RYR3: variants seen among roughly 807,000 people sequenced by gnomAD.
RYR3 encodes brain ryanodine receptor-calcium release channel.
A neutral mutation model predicts 584.3 loss-of-function variants in RYR3; 207 were observed. The observed-to-expected ratio is 0.35, with a 90% CI of 0.32 to 0.40. The LOEUF is 0.40. Ranked by LOEUF, RYR3 falls within the 10% of genes least tolerant of loss-of-function variation. The pLI, the probability that RYR3 is intolerant of heterozygous loss-of-function variation, is 1.00. For missense variants in RYR3, 5,616 were observed against 6,089.2 expected, an observed-to-expected ratio of 0.92 and a Z score of 2.59; for synonymous variants, 2,416 against 2,248.5, an observed-to-expected ratio of 1.07 and a Z score of -2.11.
intron 58 of RYR3, 48 bp from the exon 59 acceptor site, chr15:33,756,258 T>G (rs1225184793): frequency 2.3e-6 from 3 of 1,329,724 alleles, no homozygotes; most frequent in Non-Finnish European, 3.2e-6. Flanking sequence ...TGTGACTGAT[T>G]TTTACTTCGT....
intron 18 of RYR3, 44 bp from the exon 19 acceptor site, chr15:33,613,139 G>T (rs2060279034): frequency 6.7e-7 from 1 of 1,499,516 alleles, no homozygotes; most frequent in Admixed American, 1.7e-5. Context: ...CCTAGCAGGT[G>T]CCTCCAGAGT....
At chr15:33,482,106 G>C (rs1406109935) in intron 2 of RYR3, among the ~76,000 whole-genome samples, 2 of 151,934 alleles carry the variant, frequency 1.3e-5, no homozygotes, top group African/African-American at 4.8e-5. Context: ...ATATTCCTTA[G>C]TGTTTCTTAT....
intron 1 of RYR3, among the ~76,000 whole-genome samples, chr15:33,381,147 C>T (rs1388277209): frequency 1.3e-5 from 2 of 152,192 alleles, no homozygotes; most frequent in East Asian, 3.8e-4. Context: ...ATGAAGGAGT[C>T]CAGGTTCCTC....
chr15:33,848,166 C>CT lies in RYR3; in HGVS notation c.13498-124dup, dbSNP rs1433911211. On this transcript the variant is annotated intron_variant, in intron 93 of 103. Transcript: ENST00000634891. ...GGCTTTGATCCCACAACTAGGCACTCTAAGAATTCCACTATAAGGAGATTG... is the reference window on the plus strand; with the variant it reads ...GGCTTTGATCCCACAACTAGGCACTCTTAAGAATTCCACTATAAGGAGATTG... The CT allele has an allele frequency of 4.1e-6, 5 of 1,223,320 alleles. No homozygotes were observed. In the East Asian group the frequency reaches 7.1e-5, roughly 17 times the overall value. 75.8% of individuals were successfully genotyped at this position (1,223,320 alleles called of 1,614,324 possible).
intron 18 of RYR3, among the ~76,000 whole-genome samples, chr15:33,611,641 T>A (rs559397916): frequency 6.6e-6 from 1 of 151,990 alleles, no homozygotes; most frequent in South Asian, 2.1e-4. Context: ...TTGGAAGAAT[T>A]TTTATGGAGT....
Position 33,663,548 on chromosome 15 carries a change from C to T in RYR3, c.5430C>T (p.Leu1810=). The T allele has an allele frequency of 6.2e-7, 1 of 1,613,658 alleles. No homozygotes were observed. The highest frequency in any genetic ancestry group is 8.5e-7 in the Non-Finnish European group (1 of 1,179,798). ...PESVKLQMCE[L]LSYLCDCELQ... Reference sequence around the variant, plus strand: ...TACTTTCATTGCAGATGTGTGAGCTCCTCAGCTATCTCTGCGACTGTGAGC... The same window carrying T: ...TACTTTCATTGCAGATGTGTGAGCTTCTCAGCTATCTCTGCGACTGTGAGC... Residue 1810 remains leucine (L), a synonymous_variant, in exon 36 of 104, where the codon CTC becomes CTT. Transcript: ENST00000634891.
intron 1 of RYR3, among the ~76,000 whole-genome samples, chr15:33,440,936 T>G (rs1191201996): frequency 6.6e-6 from 1 of 152,180 alleles, no homozygotes; most frequent in African/African-American, 2.4e-5. Flanking sequence ...GAGCTGTGGA[T>G]TTGGGAGCAG....
intron 67 of RYR3, among the ~76,000 whole-genome samples, chr15:33,798,407 A>T (rs2075745228): frequency 6.6e-6 from 1 of 152,138 alleles, no homozygotes; most frequent in South Asian, 2.1e-4. Context: ...CTTTGTCTTT[A>T]TATTCTCAAC....
At chr15:33,479,104 T>G (rs58499120) in intron 2 of RYR3, among the ~76,000 whole-genome samples, 96,976 of 151,338 alleles carry the variant, frequency 0.64, 32,099 homozygotes, top group African/African-American at 0.83. Context: ...TGCAGAATGA[T>G]GGAATAGTGT....
intron 65 of RYR3, among the ~76,000 whole-genome samples, chr15:33,782,369 G>T (rs1490851235): frequency 5.9e-5 from 9 of 152,114 alleles, no homozygotes; most frequent in East Asian, 1.9e-4. Context: ...AATAAAAAAT[G>T]ACTCCCCACC....
chr15:33,746,587 T>C (rs1208862556), intron 53 of RYR3, among the ~76,000 whole-genome samples: 1 of 151,676 alleles, frequency 6.6e-6, no homozygotes, highest in African/African-American at 2.4e-5. Flanking sequence ...TTGCTTGAGG[T>C]CAGGGCTTCA....
chr15:33,552,232 C>A (rs1425799629), intron 10 of RYR3, among the ~76,000 whole-genome samples: 5 of 152,108 alleles, frequency 3.3e-5, no homozygotes, highest in Admixed American at 3.3e-4. Context: ...CCTTGTGGAG[C>A]ATGGGTCAGC....
At chr15:33,378,282 C>G (rs974429153) in intron 1 of RYR3, among the ~76,000 whole-genome samples, 1 of 152,204 alleles carries the variant, frequency 6.6e-6, no homozygotes, top group Admixed American at 6.5e-5. Flanking sequence ...CTTGGGGACT[C>G]TTGATGAGAC....
intron 60 of RYR3, chr15:33,757,844 C>T (rs762989790): frequency 5.9e-6 from 3 of 509,508 alleles, no homozygotes; most frequent in Non-Finnish European, 1.1e-5. Context: ...AACATCGGGA[C>T]AGAGATTAAG....
chr15:33,750,378 A>C (rs2071161964), intron 57 of RYR3, 92 bp downstream of exon 57: 2 of 1,265,150 alleles, frequency 1.6e-6, no homozygotes, highest in South Asian at 2.9e-5. Context: ...AAGTAAGGAG[A>C]ACAATTGAGT....
At position 33,662,582 on chromosome 15, in the gene RYR3, C is replaced by G. The variant is rs1248137471; in HGVS notation, c.5052C>G (p.Pro1684=). ...GTGAGGATCACCAAAAGCAGAGCCCCGAGATTCCCTTGGAGAGTCTCAGGA... is the reference window on the plus strand; with the variant it reads ...GTGAGGATCACCAAAAGCAGAGCCCGGAGATTCCCTTGGAGAGTCTCAGGA... ...VTGEDHQKQS[P]EIPLESLRTK... The change falls in exon 35 of 104, where the codon CCC becomes CCG. Residue 1684 remains proline, a synonymous_variant. Coordinates refer to ENST00000634891, the MANE Select transcript of RYR3 (RefSeq NM_001036.6). 4 of 1,613,972 alleles carry G rather than the reference C, an allele frequency of 2.5e-6. No individual in the cohort carries two copies. Among genetic ancestry groups the G allele is most frequent in the African/African-American group, 1.3e-5 (1 of 75,016 alleles).
intron 28 of RYR3, 111 bp from the exon 29 acceptor site, chr15:33,646,240 C>T: frequency 1.1e-6 from 1 of 889,088 alleles, no homozygotes; most frequent in Middle Eastern, 2.4e-4. Context: ...ACACAACTTA[C>T]TTCTGTAGTT....
At chr15:33,449,453 T>C (rs2141958619) in intron 1 of RYR3, among the ~76,000 whole-genome samples, 1 of 152,256 alleles carries the variant, frequency 6.6e-6, no homozygotes, top group East Asian at 1.9e-4. Flanking sequence ...GTCCAGCCCA[T>C]ACTCACCGGG....
At chr15:33,526,972 A>C (rs532036090) in intron 3 of RYR3, among the ~76,000 whole-genome samples, 1 of 152,194 alleles carries the variant, frequency 6.6e-6, no homozygotes, top group South Asian at 2.1e-4. Flanking sequence ...AGAATATTGG[A>C]AGAGCATTTC....
Sources: gnomAD v4.1 joint callset for allele counts (sites outside exome capture counted in the v4.1 genomes callset) on GRCh38, gnomAD v4.1.1 for gene constraint, MANE v1.5 for transcripts, NCBI Gene and HGNC (gene_info 2026-07-23, HGNC 2026-07-21) for gene names.